Variants in PPP2R2A observed in about 807,000 individuals in gnomAD.
PPP2R2A encodes the protein serine/threonine-protein phosphatase 2A 55 kDa regulatory subunit B alpha isoform.
In PPP2R2A, 9 loss-of-function variants were observed where a neutral mutation model predicts 53.2. The ratio of observed to expected loss-of-function variants is 0.17; its 90% confidence interval spans 0.10 to 0.30. The LOEUF (loss-of-function observed/expected upper bound fraction) is 0.30. Ranked by LOEUF, PPP2R2A falls within the 10% of genes least tolerant of loss-of-function variation. The pLI is 1.00. For missense variants in PPP2R2A, 235 were observed against 534.6 expected (o/e 0.44, Z 5.53); for synonymous variants, 169 against 174.2 (o/e 0.97, Z 0.23).
chr8:26,292,063 G>T (rs1183398558), intron 1 of PPP2R2A: 3 of 1,250,858 alleles, frequency 2.4e-6, no homozygotes, highest in Admixed American at 4.3e-5. Context: ...GGTGGGGGTG[G>T]GGTGTGCCGG....
intron 2 of PPP2R2A, among the ~76,000 whole-genome samples, chr8:26,311,533 G>T (rs1037325113): frequency 2.6e-5 from 4 of 152,248 alleles, no homozygotes; most frequent in East Asian, 1.9e-4. Context: ...GCCGGGCACG[G>T]TGGTGCAAGC....
At position 26,355,444 on chromosome 8, in the gene PPP2R2A, A is replaced by G. The variant is rs145293074; in HGVS notation, c.346+811A>G. The stretch of plus-strand genomic sequence containing the variant: ...ATTTTTGTAGAGACTGGGTCTCCCT[A>G]TGTTGCTCAGGCTGGTCTTGAATTC... On this transcript the variant is annotated intron_variant, in intron 4 of 9. Coordinates refer to ENST00000380737, the MANE Select transcript of PPP2R2A (RefSeq NM_002717.4). Among the ~76,000 whole-genome samples, 442 of 152,118 alleles carry G rather than the reference A, an allele frequency of 2.9e-3. 3 individuals are homozygous for G. The highest frequency in any genetic ancestry group is 1.0e-2 in the African/African-American group (415 of 41,508).
intron 2 of PPP2R2A, among the ~76,000 whole-genome samples, chr8:26,303,368 C>T (rs866596370): frequency 1.3e-5 from 2 of 152,300 alleles, no homozygotes; most frequent in Middle Eastern, 3.4e-3. Context: ...GAAATTCTCA[C>T]AGCCTAATTT....
At position 26,372,046 on chromosome 8, in the gene PPP2R2A, A is replaced by G. The variant is rs1805685589; in HGVS notation, c.*1633A>G. 1 of 152,206 alleles carries G rather than the reference A, an allele frequency of 6.6e-6. No homozygotes were observed. The highest frequency in any genetic ancestry group is 1.5e-5 in the Non-Finnish European group (1 of 68,032). 9.4% of individuals were successfully genotyped at this position (152,206 alleles called of 1,614,324 possible). A position where few individuals can be genotyped will look rare whatever the true frequency, so the allele number is the denominator to read the frequency against. On this transcript the variant is annotated 3_prime_UTR_variant, in exon 10 of 10. Coordinates refer to ENST00000380737, the MANE Select transcript of PPP2R2A (RefSeq NM_002717.4). ...ACTACCTATTGTTCTATTCTTCAAT[A>G]ATGAAAAAGAATTCAACGAGCCGAC...
At chr8:26,293,339 T>TG in intron 1 of PPP2R2A, 1 of 1,408,638 alleles carries the variant, frequency 7.1e-7, no homozygotes, top group Non-Finnish European at 9.7e-7. Flanking sequence ...AGAAAACTCT[T>TG]TAACTCTTGG....
intron 9 of PPP2R2A, among the ~76,000 whole-genome samples, chr8:26,367,292 G>T (rs1257106511): frequency 1.3e-5 from 2 of 151,904 alleles, no homozygotes; most frequent in Non-Finnish European, 2.9e-5. Context: ...GCATCAAGAA[G>T]AAAGAAGGAA....
chr8:26,339,789 G>A (rs1803854201), intron 3 of PPP2R2A: 1 of 151,904 alleles, frequency 6.6e-6, no homozygotes, highest in African/African-American at 2.4e-5. Flanking sequence ...TAAATTGCAG[G>A]GTTTTACAAA....
chr8:26,314,448 T>G (rs1802443161), intron 2 of PPP2R2A, among the ~76,000 whole-genome samples: 1 of 151,990 alleles, frequency 6.6e-6, no homozygotes, highest in Non-Finnish European at 1.5e-5. Flanking sequence ...CTCCTTGTTC[T>G]TGGATCTCAC....
intron 3 of PPP2R2A, among the ~76,000 whole-genome samples, chr8:26,353,889 C>G (rs946969181): frequency 2.6e-5 from 4 of 152,120 alleles, no homozygotes; most frequent in Non-Finnish European, 5.9e-5. Context: ...GCAAAGCTGT[C>G]TGGAACAGTG....
At chr8:26,358,667 T>C (rs780446517) in intron 4 of PPP2R2A, among the ~76,000 whole-genome samples, 18 of 152,186 alleles carry the variant, frequency 1.2e-4, no homozygotes, top group Non-Finnish European at 1.6e-4. Flanking sequence ...TATACTGTTA[T>C]AAACAATTTT....
At position 26,361,108 on chromosome 8, in the gene PPP2R2A, G is replaced by A; in HGVS notation, c.594G>A (p.Leu198=). 3.1e-6 allele frequency: 5 copies of A among 1,599,214 alleles called. No individual in the cohort carries two copies. The highest frequency in any genetic ancestry group is 1.3e-5 in the African/African-American group (1 of 74,086). The change falls in exon 6 of 10, where the codon TTG becomes TTA. Residue 198 remains leucine (L), a synonymous_variant. Transcript: ENST00000380737. ...AAACATATTTATCTGCAGATGATTT[G>A]CGGATTAATCTTTGGCATCTGGAAA... ...DYETYLSADD[L]RINLWHLEIT...
At position 26,364,689 on chromosome 8, in the gene PPP2R2A, AAAAT is replaced by A. The variant is rs373580667; in HGVS notation, c.972+805_972+808del. ...GATTGTTTTTGATACGTGAAATTTC[AAAAT>A]AAATACTGCACTGAAACAAAAGACA... is the stretch of plus-strand genomic sequence containing the variant. On this transcript the variant is annotated intron_variant, in intron 8 of 9. Coordinates refer to ENST00000380737, the MANE Select transcript of PPP2R2A (RefSeq NM_002717.4). 2.3e-3 allele frequency among the ~76,000 whole-genome samples: 346 copies of A among 152,372 alleles called. 1 individual carries two copies. The highest frequency in any genetic ancestry group is 7.8e-3 in the African/African-American group (323 of 41,590).
rs1410861367 is a variant in PPP2R2A, at chr8:26,360,930, C to G, written c.460-44C>G. ...TCTGAATCTTAATTGCTATTTGAAA[C>G]TGAGCCTTTTGTAATTTCTGTTTTT... On this transcript the variant is annotated intron_variant, in intron 5 of 9. Coordinates refer to ENST00000380737, the MANE Select transcript of PPP2R2A (RefSeq NM_002717.4). This position sits in a 1 kb window ranked among gnomAD's most constrained non-coding sequence, Gnocchi z 4.5. 1 of 1,537,868 alleles carries G rather than the reference C, an allele frequency of 6.5e-7. No homozygotes were observed. The highest frequency in any genetic ancestry group is 2.3e-5 in the Admixed American group (1 of 42,966).
At chr8:26,366,189 T>G in intron 8 of PPP2R2A, 126 bp from the exon 9 acceptor site, 3 of 699,994 alleles carry the variant, frequency 4.3e-6, no homozygotes, top group East Asian at 2.9e-5. Context: ...ACTGAGAAGA[T>G]TGAGATTAAT....
chr8:26,292,410 C>G (rs1033500420), intron 1 of PPP2R2A: 4 of 985,494 alleles, frequency 4.1e-6, no homozygotes, highest in Non-Finnish European at 4.8e-6. Context: ...CGTTTCTTCC[C>G]TTTTACCGCC....
intron 2 of PPP2R2A, among the ~76,000 whole-genome samples, chr8:26,329,329 T>C (rs1803251095): frequency 6.6e-6 from 1 of 152,208 alleles, no homozygotes; most frequent in South Asian, 2.1e-4. Context: ...TTTTTAGGTG[T>C]CTATCCCTTC....
At position 26,338,404 on chromosome 8, in the gene PPP2R2A, T is replaced by C. The variant is rs1226913683; in HGVS notation, c.83-486T>C. On this transcript the variant is annotated intron_variant, in intron 2 of 9. Coordinates refer to ENST00000380737, the MANE Select transcript of PPP2R2A (RefSeq NM_002717.4). The surrounding 1 kb of genome is among the most constrained non-coding windows in gnomAD (Gnocchi z 4.5). ...AGCGGGATCTATTTGCAAACACTTG[T>C]TTGAAGCCATGATTTTGAATTTATG... Among the ~76,000 whole-genome samples, 1 of 152,208 alleles carries C rather than the reference T, an allele frequency of 6.6e-6. No homozygotes were observed.
In PPP2R2A at chr8:26,367,636, T is replaced by G. The variant is rs570511763; in HGVS notation, c.1064+1230T>G. Among the ~76,000 whole-genome samples, 467 of 152,352 alleles carry G rather than the reference T, an allele frequency of 3.1e-3. 1 individual carries two copies. The highest frequency in any genetic ancestry group is 5.3e-3 in the Non-Finnish European group (362 of 68,034). ...ATAGGTACGTGCGCATGTGCTCACATGCAACTTGTGTGCCACATGGGAATT... is the reference window on the plus strand; with the variant it reads ...ATAGGTACGTGCGCATGTGCTCACAGGCAACTTGTGTGCCACATGGGAATT... On this transcript the variant is annotated intron_variant, in intron 9 of 9. Transcript: ENST00000380737.
intron 2 of PPP2R2A, among the ~76,000 whole-genome samples, chr8:26,336,879 T>TA (rs1425731072): frequency 6.7e-6 from 1 of 150,366 alleles, no homozygotes; most frequent in Non-Finnish European, 1.5e-5. Flanking sequence ...AAGACTCTTT[T>TA]AAGAAAAAAA....
Sources: allele counts gnomAD v4.1 joint callset (sites outside exome capture counted in the v4.1 genomes callset), GRCh38; gene constraint gnomAD v4.1.1; non-coding constraint Gnocchi (gnomAD v3.1); transcripts MANE v1.5; gene names NCBI Gene and HGNC (gene_info 2026-07-23, HGNC 2026-07-21).